The following FHIP1A variants were observed in gnomAD, a reference collection of about 807,000 sequenced individuals.
FHIP1A encodes the protein FHF complex subunit HOOK interacting protein 1A, also known as FHF complex subunit HOOK-interacting protein 1A.
In FHIP1A, 61 loss-of-function variants were observed where a neutral mutation model predicts 88.6. The ratio of observed to expected loss-of-function variants is 0.69; its 90% CI spans 0.56 to 0.85. The LOEUF (loss-of-function observed/expected upper bound fraction) is 0.85, where lower values mean the gene tolerates loss of function less well. FHIP1A is among the 40% of genes least tolerant of loss of function. The pLI is 0.00. For missense variants in FHIP1A, 1,154 were observed against 1,273.5 expected (o/e 0.91, Z 1.43); for synonymous variants, 478 against 496.0 (o/e 0.96, Z 0.48).
rs561453452 is a variant in FHIP1A at position 151,421,565 on chromosome 4, G to A, written c.-356+12100G>A. On this transcript the variant is annotated intron_variant, in intron 1 of 13. Coordinates refer to ENST00000435205, the MANE Select transcript of FHIP1A (RefSeq NM_001109977.3). Reference sequence around the variant, plus strand: ...AAGAATGTAAAGCTTTGTGATATTTGGTAGTCTTGGCTATATATCCCAATA... The same window carrying A: ...AAGAATGTAAAGCTTTGTGATATTTAGTAGTCTTGGCTATATATCCCAATA... Among the ~76,000 whole-genome samples the A allele has an allele frequency of 8.5e-5, 13 of 152,160 alleles. No homozygotes were observed. In the East Asian group the frequency reaches 2.5e-3, roughly 29 times the overall value.
chr4:151,600,630 G>A (rs529601551), intron 7 of FHIP1A, among the ~76,000 whole-genome samples: 1 of 152,316 alleles, frequency 6.6e-6, no homozygotes, highest in East Asian at 1.9e-4. Flanking sequence ...TCAGAACATG[G>A]TGGGGACAGC....
chr4:151,411,343 A>ATTCTTTTTTTTTTTT (rs370374898), intron 1 of FHIP1A, among the ~76,000 whole-genome samples: 1,468 of 112,034 alleles, frequency 0.013, 156 homozygotes, highest in African/African-American at 0.015. Flanking sequence ...GTGAAATTAT[A>ATTCTTTTTTTTTTTT]TATATATTTT....
chr4:151,438,084 C>A (rs1728267797), intron 1 of FHIP1A, among the ~76,000 whole-genome samples: 1 of 151,288 alleles, frequency 6.6e-6, no homozygotes, highest in Admixed American at 6.6e-5. Flanking sequence ...TGCTGAGAGA[C>A]CAAAGAATGA....
At chr4:151,594,809 A>G (rs763164467) in intron 7 of FHIP1A, among the ~76,000 whole-genome samples, 2 of 152,010 alleles carry the variant, frequency 1.3e-5, no homozygotes, top group Non-Finnish European at 2.9e-5. Context: ...TCCTGACCTC[A>G]TGATCCTCCC....
At chr4:151,536,532 A>C (rs1732076913) in intron 3 of FHIP1A, among the ~76,000 whole-genome samples, 1 of 152,196 alleles carries the variant, frequency 6.6e-6, no homozygotes, top group Admixed American at 6.5e-5. Flanking sequence ...ATCGTTAAAA[A>C]ATGTTATATA....
chr4:151,599,574 G>T (rs1245580540), intron 7 of FHIP1A, among the ~76,000 whole-genome samples: 5 of 152,148 alleles, frequency 3.3e-5, no homozygotes, highest in African/African-American at 7.2e-5. Context: ...TCTGAGAAAG[G>T]CTATTAGAGG....
rs556153607 is a variant in FHIP1A, at chr4:151,568,779, A to G, written c.105+2415A>G. Among the ~76,000 whole-genome samples, 9 of 152,322 alleles carry G rather than the reference A, an allele frequency of 5.9e-5. No individual in the cohort carries two copies. In the South Asian group the frequency reaches 1.4e-3, roughly 25 times the overall value. On this transcript the variant is annotated intron_variant, in intron 4 of 13. Coordinates refer to ENST00000435205, the MANE Select transcript of FHIP1A (RefSeq NM_001109977.3). ...GGAATGGAGAAAGTGAGATTTTGCT[A>G]CGTTGGCTATGGAAAAGGAAGGTTT...
intron 1 of FHIP1A, among the ~76,000 whole-genome samples, chr4:151,437,943 G>A (rs944085249): frequency 6.6e-6 from 1 of 152,114 alleles, no homozygotes; most frequent in Admixed American, 6.5e-5. Flanking sequence ...ATCAGTATGT[G>A]TTGTATGTTA....
intron 3 of FHIP1A, among the ~76,000 whole-genome samples, chr4:151,543,890 T>A (rs542432634): frequency 6.6e-6 from 1 of 152,366 alleles, no homozygotes; most frequent in South Asian, 2.1e-4. Context: ...CAAAATTGCC[T>A]TTCAGTAGGT....
intron 7 of FHIP1A, among the ~76,000 whole-genome samples, chr4:151,618,488 A>G (rs1374927765): frequency 2.6e-5 from 4 of 152,206 alleles, no homozygotes; most frequent in Non-Finnish European, 5.9e-5. Context: ...ATATTTGATT[A>G]TGTTTACAAG....
At chr4:151,516,078 G>T (rs1161698763) in intron 3 of FHIP1A, among the ~76,000 whole-genome samples, 1 of 152,164 alleles carries the variant, frequency 6.6e-6, no homozygotes, top group Non-Finnish European at 1.5e-5. Flanking sequence ...AACCAAAACA[G>T]CATGGTACTG....
chr4:151,539,677 C>T (rs1234321695), intron 3 of FHIP1A, among the ~76,000 whole-genome samples: 15 of 151,986 alleles, frequency 9.9e-5, no homozygotes, highest in Non-Finnish European at 7.4e-5. Context: ...CTCTCATGCC[C>T]ACTCCCTGCT....
intron 2 of FHIP1A, among the ~76,000 whole-genome samples, chr4:151,474,500 A>G (rs940557416): frequency 2.6e-5 from 4 of 152,264 alleles, no homozygotes; most frequent in African/African-American, 9.6e-5. Flanking sequence ...AAGGAAAGAA[A>G]GTATCCCAGT....
intron 7 of FHIP1A, among the ~76,000 whole-genome samples, chr4:151,621,331 A>G (rs1279224592): frequency 6.6e-6 from 1 of 151,978 alleles, no homozygotes; most frequent in Non-Finnish European, 1.5e-5. Flanking sequence ...CAATTATTGA[A>G]TTTGTTTGGG....
chr4:151,541,840 C>G (rs776032575), intron 3 of FHIP1A, among the ~76,000 whole-genome samples: 1 of 152,212 alleles, frequency 6.6e-6, no homozygotes, highest in Non-Finnish European at 1.5e-5. Context: ...TGTTCATGCT[C>G]CATGATTCCT....
chr4:151,607,759 A>G (rs1735129359), intron 7 of FHIP1A, among the ~76,000 whole-genome samples: 1 of 152,194 alleles, frequency 6.6e-6, no homozygotes, highest in Non-Finnish European at 1.5e-5. Flanking sequence ...AAGTAAGATT[A>G]TGCATTTAAA....
intron 1 of FHIP1A, among the ~76,000 whole-genome samples, chr4:151,433,523 C>T (rs904014637): frequency 3.3e-5 from 5 of 151,880 alleles, no homozygotes; most frequent in East Asian, 1.9e-4. Flanking sequence ...TTGAAACTTG[C>T]GGAGTTAATG....
At chr4:151,568,527 G>T (rs1733475575) in intron 4 of FHIP1A, among the ~76,000 whole-genome samples, 1 of 152,150 alleles carries the variant, frequency 6.6e-6, no homozygotes, top group Non-Finnish European at 1.5e-5. Context: ...AAATCTATGT[G>T]AATGTAAAAG....
At chr4:151,559,411 TC>T (rs942147517) in intron 3 of FHIP1A, among the ~76,000 whole-genome samples, 1 of 152,166 alleles carries the variant, frequency 6.6e-6, no homozygotes, top group Admixed American at 6.5e-5. Context: ...TCTTCAGCTG[TC>T]CCCCAGCCCC....
Sources: allele counts gnomAD v4.1 joint callset (sites outside exome capture counted in the v4.1 genomes callset), GRCh38; gene constraint gnomAD v4.1.1; transcripts MANE v1.5; gene names NCBI Gene and HGNC (gene_info 2026-07-23, HGNC 2026-07-21).